Variants in KHDRBS2 observed in about 807,000 individuals in gnomAD.
KHDRBS2 encodes the protein KH domain-containing, RNA-binding, signal transduction-associated protein 2.
KHDRBS2 carries 26 observed loss-of-function variants against 44.3 expected under a neutral mutation model. The ratio of observed to expected loss-of-function variants is 0.59; its 90% CI spans 0.43 to 0.81. The LOEUF (loss-of-function observed/expected upper bound fraction) is 0.81, where lower values mean the gene tolerates loss of function less well. KHDRBS2 is among the 40% of genes least tolerant of loss of function. KHDRBS2 has a pLI of 0.00. For synonymous variants in KHDRBS2, 194 were observed against 151.1 expected, an observed-to-expected ratio of 1.28 and a Z score of -2.08; for missense variants, 476 against 433.1, an observed-to-expected ratio of 1.10 and a Z score of -0.88.
At chr6:61,813,799 T>G (rs370880124) in intron 6 of KHDRBS2, among the ~76,000 whole-genome samples, 86 of 152,260 alleles carry the variant, frequency 5.6e-4, no homozygotes, top group African/African-American at 1.9e-3. Flanking sequence ...ATAAACTAGA[T>G]AGTGGTTAAT....
chr6:61,776,389 T>A (rs1427808961), intron 6 of KHDRBS2, among the ~76,000 whole-genome samples: 1 of 151,982 alleles, frequency 6.6e-6, no homozygotes. Context: ...CACAACCTAC[T>A]CATCTGACAA....
intron 3 of KHDRBS2, among the ~76,000 whole-genome samples, chr6:62,030,226 C>T (rs1381291140): frequency 6.6e-6 from 1 of 152,018 alleles, no homozygotes; most frequent in Non-Finnish European, 1.5e-5. Flanking sequence ...AAGAATCTTG[C>T]AGCATCTGTT....
At chr6:61,543,993 A>G in the KHDRBS2 span, among the ~76,000 whole-genome samples, 1 of 152,072 alleles carries the variant, frequency 6.6e-6, no homozygotes, top group African/African-American at 2.4e-5. Flanking sequence ...GATTGTTTGT[A>G]GATACAAAAA....
chr6:61,884,060 C>A (rs548771014), intron 6 of KHDRBS2, among the ~76,000 whole-genome samples: 2 of 152,006 alleles, frequency 1.3e-5, no homozygotes, highest in Admixed American at 1.3e-4. Flanking sequence ...TCATTTAATA[C>A]CTATTTCCCT....
chr6:62,097,381 T>C (rs1170659541), intron 2 of KHDRBS2, among the ~76,000 whole-genome samples: 1 of 152,082 alleles, frequency 6.6e-6, no homozygotes, highest in African/African-American at 2.4e-5. Context: ...TTAAGTCTAA[T>C]AATATTTGTT....
chr6:61,819,661 T>C (rs1789559459), intron 6 of KHDRBS2, among the ~76,000 whole-genome samples: 1 of 152,074 alleles, frequency 6.6e-6, no homozygotes, highest in African/African-American at 2.4e-5. Flanking sequence ...TTTATAAATA[T>C]TGTTTTCAAT....
intron 2 of KHDRBS2, among the ~76,000 whole-genome samples, chr6:62,173,138 T>C (rs1163312476): frequency 2.0e-5 from 3 of 150,222 alleles, no homozygotes; most frequent in Non-Finnish European, 4.5e-5. Context: ...AATGTTCGCG[T>C]CCAGGAGTTG....
chr6:61,699,747 G>A (rs1582231796), intron 7 of KHDRBS2, among the ~76,000 whole-genome samples: 1 of 152,000 alleles, frequency 6.6e-6, no homozygotes, highest in Non-Finnish European at 1.5e-5. Flanking sequence ...AGAGAACTTT[G>A]GTCATCCTTA....
At chr6:61,982,448 G>T (rs1774031715) in intron 3 of KHDRBS2, among the ~76,000 whole-genome samples, 1 of 151,856 alleles carries the variant, frequency 6.6e-6, no homozygotes, top group African/African-American at 2.4e-5. Context: ...GAGGAGGGCG[G>T]ATCACGAGGT....
intron 7 of KHDRBS2, among the ~76,000 whole-genome samples, chr6:61,707,299 A>C (rs576372206): frequency 4.0e-5 from 6 of 151,774 alleles, no homozygotes; most frequent in Non-Finnish European, 4.4e-5. Flanking sequence ...CCCTAAGTGC[A>C]GTCTTTCCCA....
chr6:62,027,830 T>C (rs1452980215), intron 3 of KHDRBS2, among the ~76,000 whole-genome samples: 1 of 152,130 alleles, frequency 6.6e-6, no homozygotes. Flanking sequence ...ACTTGCCCTA[T>C]GCATTTCTTC....
chr6:61,934,051 G>T (rs954599841), intron 4 of KHDRBS2, among the ~76,000 whole-genome samples: 1 of 151,994 alleles, frequency 6.6e-6, no homozygotes, highest in Non-Finnish European at 1.5e-5. Context: ...TAGTGATGTT[G>T]AACCTTTCTT....
intron 6 of KHDRBS2, among the ~76,000 whole-genome samples, chr6:61,769,613 G>A (rs1263438361): frequency 7.0e-6 from 1 of 142,752 alleles, no homozygotes; most frequent in Non-Finnish European, 1.5e-5. Context: ...AAACTGCAAG[G>A]CGGCAGCGAG....
chr6:61,873,586 C>G (rs1185580608), intron 6 of KHDRBS2, among the ~76,000 whole-genome samples: 2 of 149,166 alleles, frequency 1.3e-5, no homozygotes, highest in African/African-American at 4.9e-5. Flanking sequence ...GACCTAGCAC[C>G]AGGAAGCAAG....
At chr6:62,173,430 T>C (rs1486700445) in intron 2 of KHDRBS2, among the ~76,000 whole-genome samples, 4 of 152,094 alleles carry the variant, frequency 2.6e-5, no homozygotes, top group Middle Eastern at 3.4e-3. Flanking sequence ...AGTTCCAAAA[T>C]TGAATCAGTA....
chr6:61,938,469 T>A (rs937400993), intron 4 of KHDRBS2, among the ~76,000 whole-genome samples: 5 of 152,116 alleles, frequency 3.3e-5, no homozygotes, highest in Non-Finnish European at 5.9e-5. Context: ...CATTGGAGAG[T>A]AAATTCTAAA....
intron 1 of KHDRBS2, among the ~76,000 whole-genome samples, chr6:62,205,373 T>C (rs1827771803): frequency 6.6e-6 from 1 of 152,108 alleles, no homozygotes; most frequent in African/African-American, 2.4e-5. Flanking sequence ...GACCCAGAAA[T>C]ATTTGAATCT....
At chr6:61,593,469 T>C in the KHDRBS2 span, among the ~76,000 whole-genome samples, 1 of 75,696 alleles carries the variant, frequency 1.3e-5, no homozygotes. Flanking sequence ...ACAAATGTAC[T>C]ATAGGTTTTT....
intron 1 of KHDRBS2, among the ~76,000 whole-genome samples, chr6:62,192,549 T>A (rs1402717844): frequency 1.3e-5 from 2 of 152,148 alleles, no homozygotes; most frequent in African/African-American, 4.8e-5. Flanking sequence ...TTTGTATTAA[T>A]TTATTTTCAA....
Sources: allele counts gnomAD v4.1 joint callset (sites outside exome capture counted in the v4.1 genomes callset), GRCh38; gene constraint gnomAD v4.1.1; transcripts MANE v1.5; gene names NCBI Gene and HGNC (gene_info 2026-07-23, HGNC 2026-07-21).